Variants in NOS1AP observed in about 807,000 individuals in gnomAD.
The protein encoded by NOS1AP is carboxyl-terminal PDZ ligand of neuronal nitric oxide synthase protein.
A neutral mutation model predicts 56.2 loss-of-function variants in NOS1AP; 21 were observed. That is an observed-to-expected ratio of 0.37 (90% CI 0.26 to 0.54). The LOEUF (loss-of-function observed/expected upper bound fraction) is 0.54, where lower values mean the gene tolerates loss of function less well. Ranked by LOEUF, NOS1AP falls within the 20% of genes least tolerant of loss-of-function variation. NOS1AP has a pLI of 0.84. For missense variants in NOS1AP, 522 were observed against 657.8 expected (o/e 0.79, Z 2.26); for synonymous variants, 270 against 274.6 (o/e 0.98, Z 0.17).
At chr1:162,100,564 T>G (rs1462414434) in intron 1 of NOS1AP, among the ~76,000 whole-genome samples, 2 of 152,204 alleles carry the variant, frequency 1.3e-5, no homozygotes, top group African/African-American at 4.8e-5. Context: ...TTGCAAAAAT[T>G]TTCTCCCATT....
chr1:162,201,354 A>G (rs1372353983), intron 2 of NOS1AP, among the ~76,000 whole-genome samples: 1 of 152,166 alleles, frequency 6.6e-6, no homozygotes. Flanking sequence ...TCTATCACTG[A>G]TGGGCATTTA....
At chr1:162,162,139 T>C (rs1650253670) in intron 2 of NOS1AP, among the ~76,000 whole-genome samples, 1 of 152,242 alleles carries the variant, frequency 6.6e-6, no homozygotes, top group Admixed American at 6.5e-5. Flanking sequence ...CTGAGCACTG[T>C]CATTTGAGTT....
chr1:162,154,399 C>A lies in NOS1AP; in HGVS notation c.106-6C>A. The A allele has an allele frequency of 6.2e-7, 1 of 1,613,982 alleles. No homozygotes were observed. The highest frequency in any genetic ancestry group is 8.5e-7 in the Non-Finnish European group (1 of 1,179,914). On this transcript the variant is annotated splice_polypyrimidine_tract_variant and splice_region_variant and intron_variant, in intron 1 of 9. Coordinates refer to ENST00000361897, the MANE Select transcript of NOS1AP (RefSeq NM_014697.3). Reference sequence around the variant, plus strand: ...CTCTCAATGAGTGTTTGCTTCTCCCCCACAGTACGTAGGAAGCCTGGACGT... The same window carrying A: ...CTCTCAATGAGTGTTTGCTTCTCCCACACAGTACGTAGGAAGCCTGGACGT...
At chr1:162,327,734 T>C (rs1454988444) in intron 4 of NOS1AP, among the ~76,000 whole-genome samples, 1 of 152,236 alleles carries the variant, frequency 6.6e-6, no homozygotes, top group African/African-American at 2.4e-5. Context: ...TGCTAAAAAT[T>C]CAGTTCTAGG....
At chr1:162,127,808 A>C (rs1207111290) in intron 1 of NOS1AP, among the ~76,000 whole-genome samples, 2 of 152,236 alleles carry the variant, frequency 1.3e-5, no homozygotes, top group African/African-American at 2.4e-5. Flanking sequence ...CCCATGATCC[A>C]GTCACCTGTC....
At chr1:162,147,318 C>A (rs1471021508) in intron 1 of NOS1AP, among the ~76,000 whole-genome samples, 1 of 128,632 alleles carries the variant, frequency 7.8e-6, no homozygotes, top group Non-Finnish European at 1.6e-5. Context: ...GGCGACAGAG[C>A]GAGACTCCGT....
chr1:162,225,035 A>G lies in NOS1AP; in HGVS notation c.178-62309A>G, dbSNP rs146783433. Among the ~76,000 whole-genome samples, 333 of 152,310 alleles carry G rather than the reference A, an allele frequency of 2.2e-3. 1 individual carries two copies. Among genetic ancestry groups the G allele is most frequent in the African/African-American group, 7.7e-3 (320 of 41,558 alleles). On this transcript the variant is annotated intron_variant, in intron 2 of 9. Coordinates refer to ENST00000361897, the MANE Select transcript of NOS1AP (RefSeq NM_014697.3). ...TGGCAACCATTCTCTTCCCAGTGAC[A>G]TGTCTGAGTCTCAGAAGTCCTGCAG... is the stretch of plus-strand genomic sequence containing the variant.
At chr1:162,355,047 G>C (rs778999279) in intron 6 of NOS1AP, 140 bp from the exon 7 acceptor site, 242 of 887,438 alleles carry the variant, frequency 2.7e-4, no homozygotes, top group Non-Finnish European at 4.0e-4. Flanking sequence ...TAACGTACTT[G>C]AGTGAAAAGA....
intron 2 of NOS1AP, among the ~76,000 whole-genome samples, chr1:162,212,603 A>G (rs748985947): frequency 4.6e-5 from 7 of 152,140 alleles, no homozygotes; most frequent in Non-Finnish European, 1.5e-5. Context: ...GAAGAGTGGT[A>G]AGGGATATAG....
At chr1:162,097,754 T>C (rs1416017024) in intron 1 of NOS1AP, among the ~76,000 whole-genome samples, 1 of 152,210 alleles carries the variant, frequency 6.6e-6, no homozygotes, top group Non-Finnish European at 1.5e-5. Context: ...TCTTAATTAT[T>C]ATAGCTCTAT....
intron 1 of NOS1AP, among the ~76,000 whole-genome samples, chr1:162,119,458 G>A (rs534968316): frequency 2.4e-4 from 36 of 152,228 alleles, no homozygotes; most frequent in African/African-American, 8.7e-4. Context: ...TTTAGATAAA[G>A]CAGAAATCTC....
intron 4 of NOS1AP, among the ~76,000 whole-genome samples, chr1:162,329,327 AG>A (rs2101790902): frequency 6.6e-6 from 1 of 152,010 alleles, no homozygotes; most frequent in Non-Finnish European, 1.5e-5. Flanking sequence ...TGGGAGGCAG[AG>A]GTTGCAGTGA....
At chr1:162,256,038 G>A (rs1654017013) in intron 2 of NOS1AP, among the ~76,000 whole-genome samples, 1 of 152,126 alleles carries the variant, frequency 6.6e-6, no homozygotes. Context: ...CAGCTACTGG[G>A]GAGACTGAGG....
chr1:162,352,011 G>T (rs1037458087), intron 6 of NOS1AP, among the ~76,000 whole-genome samples: 1 of 151,980 alleles, frequency 6.6e-6, no homozygotes, highest in Non-Finnish European at 1.5e-5. Context: ...CTTCCCTCTT[G>T]ACTCTGCTAG....
At chr1:162,169,677 C>T (rs1045412975) in intron 2 of NOS1AP, among the ~76,000 whole-genome samples, 11 of 152,132 alleles carry the variant, frequency 7.2e-5, no homozygotes, top group African/African-American at 2.7e-4. Context: ...ACCCAGCATG[C>T]CACTTTGAAC....
At position 162,294,224 on chromosome 1, in the gene NOS1AP, G is replaced by GAAGA. The variant is rs879481382; in HGVS notation, c.271-6401_271-6398dup. On this transcript the variant is annotated intron_variant, in intron 3 of 9. Transcript: ENST00000361897. Reference sequence around the variant, plus strand: ...GGAAGGAAGGAAGGAAGGAAGGAAGGAAGAAAGAAAGGAAGGAAGGATAGC... The same window carrying GAAGA: ...GGAAGGAAGGAAGGAAGGAAGGAAGGAAGAAAGAAAGAAAGGAAGGAAGGATAGC... Among the ~76,000 whole-genome samples, 549 of 149,804 alleles carry GAAGA rather than the reference G, an allele frequency of 3.7e-3. 7 individuals carry two copies. The highest frequency in any genetic ancestry group is 0.013 in the African/African-American group (512 of 40,296).
chr1:162,267,242 A>G (rs1654452477), intron 2 of NOS1AP, among the ~76,000 whole-genome samples: 1 of 152,188 alleles, frequency 6.6e-6, no homozygotes, highest in Non-Finnish European at 1.5e-5. Context: ...GTTTGGAGTG[A>G]AAAAAGTCTG....
intron 3 of NOS1AP, among the ~76,000 whole-genome samples, chr1:162,299,906 A>T (rs530014220): frequency 6.6e-6 from 1 of 152,182 alleles, no homozygotes; most frequent in Admixed American, 6.5e-5. Flanking sequence ...TCCAAAGCCC[A>T]GTATGTTTAG....
At chr1:162,071,513 CT>C (rs1448677686) in intron 1 of NOS1AP, among the ~76,000 whole-genome samples, 1 of 152,028 alleles carries the variant, frequency 6.6e-6, no homozygotes, top group Non-Finnish European at 1.5e-5. Flanking sequence ...TTTTTTCCCC[CT>C]GAATAACCTT....
Sources: allele counts gnomAD v4.1 joint callset (sites outside exome capture counted in the v4.1 genomes callset), GRCh38; gene constraint gnomAD v4.1.1; transcripts MANE v1.5; gene names NCBI Gene and HGNC (gene_info 2026-07-23, HGNC 2026-07-21).